Variants in ELMO1 observed in about 807,000 individuals in gnomAD.
ELMO1 encodes engulfment and cell motility protein 1.
A neutral mutation model predicts 98.9 loss-of-function variants in ELMO1; 26 were observed. That is an observed-to-expected ratio of 0.26 (90% CI 0.19 to 0.36). The LOEUF (loss-of-function observed/expected upper bound fraction) is 0.36, where lower values mean the gene tolerates loss of function less well. ELMO1 is among the 10% of genes least tolerant of loss of function. The pLI is 1.00. For missense variants in ELMO1, 627 were observed against 935.2 expected, an observed-to-expected ratio of 0.67 and a Z score of 4.30; for synonymous variants, 346 against 346.0, an observed-to-expected ratio of 1.00 and a Z score of 0.00.
chr7:37,335,879 A>G (rs1800376095), intron 2 of ELMO1, among the ~76,000 whole-genome samples: 1 of 152,144 alleles, frequency 6.6e-6, no homozygotes, highest in Admixed American at 6.5e-5. Flanking sequence ...GTGAAGGTGA[A>G]ATGTGTCTCC....
chr7:36,860,939 T>C (rs1206662354), intron 21 of ELMO1, among the ~76,000 whole-genome samples: 1 of 152,230 alleles, frequency 6.6e-6, no homozygotes, highest in Non-Finnish European at 1.5e-5. Flanking sequence ...AGTCAGATTC[T>C]ATTAAAATGT....
intron 16 of ELMO1, among the ~76,000 whole-genome samples, chr7:36,994,638 T>A (rs1379868781): frequency 6.6e-6 from 1 of 152,200 alleles, no homozygotes; most frequent in African/African-American, 2.4e-5. Context: ...ACTCCTGCAA[T>A]CTCAGTCTGA....
Position 37,032,179 on chromosome 7 carries a change from G to A in ELMO1, c.1301-18744C>T, listed in dbSNP as rs1429854966. 2.0e-5 allele frequency among the ~76,000 whole-genome samples: 3 copies of A among 152,054 alleles called. No homozygotes were observed. In the South Asian group the frequency reaches 6.2e-4, roughly 32 times the overall value. On this transcript the variant is annotated intron_variant, in intron 15 of 21. Coordinates refer to ENST00000310758, the MANE Select transcript of ELMO1 (RefSeq NM_014800.11). ...TCAGAAGAGATGACTCACAGTTCAC[G>A]CTTATGACAAAAAGAACTTGCTCTC...
At chr7:37,396,344 A>G (rs1012779827) in intron 1 of ELMO1, among the ~76,000 whole-genome samples, 5 of 152,144 alleles carry the variant, frequency 3.3e-5, no homozygotes, top group African/African-American at 1.2e-4. Flanking sequence ...TGAGTCCAGG[A>G]GTTCAAGACC....
chr7:37,178,730 G>T (rs1430774285), intron 13 of ELMO1, among the ~76,000 whole-genome samples: 1 of 152,120 alleles, frequency 6.6e-6, no homozygotes, highest in Non-Finnish European at 1.5e-5. Flanking sequence ...AGGTGGCAAG[G>T]CACCTTGCCT....
intron 15 of ELMO1, among the ~76,000 whole-genome samples, chr7:37,083,713 C>T (rs548420320): frequency 5.9e-4 from 90 of 152,282 alleles, no homozygotes; most frequent in African/African-American, 2.0e-3. Context: ...AGGAAGAAAG[C>T]GAGCTCACTC....
chr7:36,937,217 C>T (rs543695464), intron 16 of ELMO1, among the ~76,000 whole-genome samples: 28 of 152,314 alleles, frequency 1.8e-4, no homozygotes, highest in African/African-American at 4.8e-4. Context: ...TAATTAGTTA[C>T]GATGCAGTCA....
intron 16 of ELMO1, among the ~76,000 whole-genome samples, chr7:36,984,053 C>T (rs551950347): frequency 4.6e-5 from 7 of 151,142 alleles, no homozygotes; most frequent in African/African-American, 7.3e-5. Context: ...GCCAGCACTT[C>T]GCTCATGTAA....
intron 13 of ELMO1, among the ~76,000 whole-genome samples, chr7:37,169,472 C>T (rs896179175): frequency 9.2e-5 from 14 of 152,152 alleles, no homozygotes; most frequent in East Asian, 1.9e-4. Flanking sequence ...TGTTCCTATT[C>T]GGCCATCTTG....
intron 1 of ELMO1, among the ~76,000 whole-genome samples, chr7:37,434,402 C>A (rs1249299200): frequency 6.6e-6 from 1 of 152,242 alleles, no homozygotes; most frequent in East Asian, 1.9e-4. Flanking sequence ...TTCATCATTC[C>A]TAAGTGGTTG....
rs1213864561 is a variant in ELMO1 at position 37,271,895 on chromosome 7, A to C, written c.193-13T>G. 14 of 1,613,156 alleles carry C rather than the reference A, an allele frequency of 8.7e-6. No individual in the cohort carries two copies. Among genetic ancestry groups the C allele is most frequent in the African/African-American group, 1.3e-5 (1 of 74,880 alleles). On this transcript the variant is annotated splice_polypyrimidine_tract_variant and intron_variant, in intron 4 of 21. Transcript: ENST00000310758. ...TCTCATTGCGGTTCTGGAAAAGAAG[A>C]AAAAATCTTTGTAAATTTTCAAGTA... is the stretch of plus-strand genomic sequence containing the variant.
chr7:36,907,272 C>A (rs879354234), intron 16 of ELMO1, among the ~76,000 whole-genome samples: 2 of 152,180 alleles, frequency 1.3e-5, no homozygotes, highest in Non-Finnish European at 2.9e-5. Context: ...TACTAACACA[C>A]TGCTGTACCA....
At chr7:37,439,484 G>A (rs1054020100) in intron 1 of ELMO1, among the ~76,000 whole-genome samples, 4 of 152,146 alleles carry the variant, frequency 2.6e-5, no homozygotes, top group Admixed American at 6.5e-5. Flanking sequence ...GCCTGTTACA[G>A]CCCTCCCTAC....
chr7:37,323,974 G>A (rs1314537866), intron 2 of ELMO1, among the ~76,000 whole-genome samples: 1 of 152,108 alleles, frequency 6.6e-6, no homozygotes, highest in African/African-American at 2.4e-5. Context: ...CTCACTCAGA[G>A]TATATGTTCC....
chr7:37,314,982 A>C, intron 3 of ELMO1, 60 bp from the exon 4 acceptor site: 1 of 1,511,024 alleles, frequency 6.6e-7, no homozygotes, highest in Non-Finnish European at 9.1e-7. Context: ...CATTTTTACA[A>C]TTTTTTAGTG....
intron 2 of ELMO1, among the ~76,000 whole-genome samples, chr7:37,319,515 T>C (rs1354991691): frequency 1.3e-5 from 2 of 152,144 alleles, no homozygotes; most frequent in Non-Finnish European, 2.9e-5. Context: ...TAATTCTGCT[T>C]CCTCTGACCC....
intron 16 of ELMO1, among the ~76,000 whole-genome samples, chr7:36,901,294 G>A (rs1806487584): frequency 6.6e-6 from 1 of 152,176 alleles, no homozygotes; most frequent in Non-Finnish European, 1.5e-5. Context: ...AAATAAAGGT[G>A]CTGTCTGGGC....
chr7:36,937,482 A>G (rs1413295249), intron 16 of ELMO1, among the ~76,000 whole-genome samples: 1 of 152,198 alleles, frequency 6.6e-6, no homozygotes, highest in African/African-American at 2.4e-5. Flanking sequence ...GGAGACCATA[A>G]CTTTCTCATA....
chr7:37,033,517 A>G, intron 15 of ELMO1: 1 of 406,454 alleles, frequency 2.5e-6, no homozygotes, highest in Non-Finnish European at 4.9e-6. Flanking sequence ...TACACCAAAC[A>G]GACACTGGAT....
Sources: gnomAD v4.1 joint callset for allele counts (sites outside exome capture counted in the v4.1 genomes callset) on GRCh38, gnomAD v4.1.1 for gene constraint, MANE v1.5 for transcripts, NCBI Gene and HGNC (gene_info 2026-07-23, HGNC 2026-07-21) for gene names.